RPL3: variants seen among roughly 807,000 people sequenced by gnomAD.
RPL3 encodes the protein ribosomal protein L3, also known as large ribosomal subunit protein uL3.
RPL3 carries 3 observed loss-of-function variants against 46.0 expected under a neutral mutation model. The ratio of observed to expected loss-of-function variants is 0.07; its 90% CI spans 0.03 to 0.17. The LOEUF is 0.17. Ranked by LOEUF, RPL3 falls within the 10% of genes least tolerant of loss-of-function variation. The probability of loss-of-function intolerance (pLI) is 1.00; values close to 1 mark genes in which losing one functional copy is unlikely to be tolerated. For synonymous variants in RPL3, 224 were observed against 190.8 expected (o/e 1.17, Z -1.43); for missense variants, 387 against 532.7 (o/e 0.73, Z 2.69).
chr22:39,312,991 GGA>G lies in RPL3; in HGVS notation c.1168-9_1168-8del, dbSNP rs532629902. 1.4e-4 allele frequency: 227 copies of G among 1,614,132 alleles called. No homozygotes were observed. In the African/African-American group the frequency reaches 2.2e-3, roughly 16 times the overall value. On this transcript the variant is annotated splice_polypyrimidine_tract_variant and splice_region_variant and intron_variant, in intron 9 of 9. Coordinates refer to ENST00000216146, the MANE Select transcript of RPL3 (RefSeq NM_000967.4). The stretch of plus-strand genomic sequence containing the variant: ...GGTCTTTCTTCAGTGGTCCCTGTGG[GGA>G]GAGAGGCAGTGGTCAGAGGTAGAAG...
At chr22:39,317,263 G>A in intron 3 of RPL3, 198 bp downstream of exon 3, 1 of 654,528 alleles carries the variant, frequency 1.5e-6, no homozygotes, top group Non-Finnish European at 2.6e-6. Flanking sequence ...CCTGGACTCA[G>A]AATGAGGGTG....
chr22:39,318,846 A>C (rs975787306), intron 1 of RPL3, among the ~76,000 whole-genome samples: 7 of 152,164 alleles, frequency 4.6e-5, no homozygotes, highest in Non-Finnish European at 8.8e-5. Context: ...TTTTTATCTA[A>C]CCACACAAAA....
rs753568311 is a variant in RPL3, at chr22:39,319,537, G to A, written c.3+58C>T. The A allele has an allele frequency of 8.4e-6, 13 of 1,554,794 alleles. No individual in the cohort carries two copies. In the East Asian group the frequency reaches 2.7e-4, roughly 32 times the overall value. On this transcript the variant is annotated intron_variant, in intron 1 of 9. Transcript: ENST00000216146. ...CAAGACGGGATGGCGGCGATGCGTC[G>A]CGGATTCAGCCGTGCCGACGCCGGT...
chr22:39,319,424 C>T, intron 1 of RPL3, 171 bp downstream of exon 1: 2 of 916,274 alleles, frequency 2.2e-6, no homozygotes, highest in East Asian at 2.7e-5. Flanking sequence ...AAGCGCTCTT[C>T]ACAAGCCTCT....
chr22:39,315,077 A>T, intron 5 of RPL3: 1 of 698,636 alleles, frequency 1.4e-6, no homozygotes, highest in South Asian at 1.7e-5. Context: ...AAGCTCCCCC[A>T]TTCACAGGGA....
chr22:39,313,413 G>T, intron 8 of RPL3, 103 bp from the exon 9 acceptor site: 1 of 1,543,164 alleles, frequency 6.5e-7, no homozygotes. Flanking sequence ...GATCAATTCA[G>T]CCTCCCCCAC....
intron 9 of RPL3, 94 bp from the exon 10 acceptor site, chr22:39,313,078 C>G (rs748622978): frequency 3.5e-5 from 57 of 1,606,360 alleles, no homozygotes; most frequent in Non-Finnish European, 4.4e-5. Context: ...CCAGTCTCCA[C>G]AGCCACAAGA....
intron 2 of RPL3, 91 bp downstream of exon 2, chr22:39,318,309 G>T: frequency 7.4e-7 from 1 of 1,356,338 alleles, no homozygotes; most frequent in Non-Finnish European, 1.0e-6. Flanking sequence ...AAAAAAAAAA[G>T]TCTGCCCTCT....
rs1294927653 is a variant in RPL3 at position 39,318,391 on chromosome 22, T to C, written c.196+9A>G. On this transcript the variant is annotated intron_variant, in intron 2 of 9. Transcript: ENST00000216146. Reference sequence around the variant, plus strand: ...CTATTCCCCCAACTTTTAGGATGTCTGTACATACTGGATCCCGGCCTGTCG... The same window carrying C: ...CTATTCCCCCAACTTTTAGGATGTCCGTACATACTGGATCCCGGCCTGTCG... 1.2e-6 allele frequency: 2 copies of C among 1,613,212 alleles called. No individual in the cohort carries two copies. Among genetic ancestry groups the C allele is most frequent in the South Asian group, 1.1e-5 (1 of 90,954 alleles).
Position 39,315,519 on chromosome 22 carries a change from G to C in RPL3, c.538C>G (p.Leu180Val). 6.2e-7 allele frequency: 1 copy of C among 1,614,132 alleles called. No homozygotes were observed. Among genetic ancestry groups the C allele is most frequent in the Non-Finnish European group, 8.5e-7 (1 of 1,180,050 alleles). Residue 180 changes from leucine to valine, a missense_variant, in exon 5 of 10, where the codon CTG becomes GTG. Physicochemically the swap from Leu to Val is conservative, Grantham distance 32. Around this residue, in one of 5 missense-constraint regions of RPL3, gnomAD observed 196 missense variants for 217.5 expected, o/e 0.90. Coordinates refer to ENST00000216146, the MANE Select transcript of RPL3 (RefSeq NM_000967.4). ...LLPLRQKKAH[L>V]MEIQVNGGTV... ...CCTCCGTTCACCTGGATCTCCATCAGGTGGGCCTTCTTCTGGCGCAGAGGA... is the reference window on the plus strand; with the variant it reads ...CCTCCGTTCACCTGGATCTCCATCACGTGGGCCTTCTTCTGGCGCAGAGGA...
At chr22:39,317,038 AAGGTTAATTTAAG>A in intron 3 of RPL3, 197 bp from the exon 4 acceptor site, 3 of 768,850 alleles carry the variant, frequency 3.9e-6, no homozygotes. Flanking sequence ...AGAGGTCCAC[AAGGTTAATTTAAG>A]TTACACGCAT....
chr22:39,314,078 C>T lies in RPL3; in HGVS notation c.951+29G>A, dbSNP rs563250692. ...CCCAAAAGCACGAGGCCTGGGATGG[C>T]CTCACAGAGCAGAACACCCATTACT... is the stretch of plus-strand genomic sequence containing the variant. On this transcript the variant is annotated intron_variant, in intron 7 of 9. Transcript: ENST00000216146. 6.3e-6 allele frequency: 10 copies of T among 1,590,150 alleles called. No homozygotes were observed. The African/African-American group carries it at 1.2e-4, about 19-fold the overall frequency.
intron 7 of RPL3, 56 bp from the exon 8 acceptor site, chr22:39,313,785 A>AC: frequency 6.6e-7 from 1 of 1,511,516 alleles, no homozygotes; most frequent in Non-Finnish European, 9.2e-7. Flanking sequence ...CGTGCAGATG[A>AC]CCCCTCCAGG....
intron 5 of RPL3, 134 bp from the exon 6 acceptor site, chr22:39,314,980 G>C: frequency 7.9e-7 from 1 of 1,270,746 alleles, no homozygotes; most frequent in African/African-American, 1.5e-5. Context: ...ATTACCCACA[G>C]GTCTCCCCTG....
rs200650933 is a variant in RPL3 at position 39,319,588 on chromosome 22, C to G, written c.3+7G>C. 9.9e-5 allele frequency: 155 copies of G among 1,563,878 alleles called. 1 individual carries two copies. The East Asian group carries it at 3.4e-3, about 34-fold the overall frequency. On this transcript the variant is annotated splice_region_variant and intron_variant, in intron 1 of 9. Coordinates refer to ENST00000216146, the MANE Select transcript of RPL3 (RefSeq NM_000967.4). The stretch of plus-strand genomic sequence containing the variant: ...GACAATGAAACGGCCGCCATTACAA[C>G]ACATACCATCACGCCATCAAATCCC...
chr22:39,314,983 C>A, intron 5 of RPL3, 137 bp from the exon 6 acceptor site: 1 of 1,255,470 alleles, frequency 8.0e-7, no homozygotes, highest in Non-Finnish European at 1.1e-6. Context: ...ACCCACAGGT[C>A]TCCCCTGTCA....
rs1273716977 is a variant in RPL3 at position 39,313,328 on chromosome 22, A to G, written c.1048-18T>C. The stretch of plus-strand genomic sequence containing the variant: ...AGCAAGGACTATGGGCCAAGAGGGG[A>G]AGGGATTTAGGATTACGAGGAGCCA... On this transcript the variant is annotated intron_variant, in intron 8 of 9. Transcript: ENST00000216146. 6.2e-7 allele frequency: 1 copy of G among 1,613,826 alleles called. No homozygotes were observed. The highest frequency in any genetic ancestry group is 1.1e-5 in the South Asian group (1 of 91,004).
At chr22:39,319,146 A>G (rs1349183001) in intron 1 of RPL3, 1 of 542,806 alleles carries the variant, frequency 1.8e-6, no homozygotes. Flanking sequence ...TTCGGAGTGC[A>G]CCAGCGGCCC....
intron 5 of RPL3, 125 bp from the exon 6 acceptor site, chr22:39,314,971 T>C: frequency 7.4e-7 from 1 of 1,348,888 alleles, no homozygotes; most frequent in Admixed American, 2.0e-5. Context: ...TTCATGTGCA[T>C]TACCCACAGG....
Sources: allele counts gnomAD v4.1 joint callset (sites outside exome capture counted in the v4.1 genomes callset), GRCh38; gene constraint gnomAD v4.1.1; regional missense constraint gnomAD v4.1.1; transcripts MANE v1.5; gene names NCBI Gene and HGNC (gene_info 2026-07-23, HGNC 2026-07-21).